Variants in FGD4 observed in about 807,000 individuals in gnomAD.
FGD4 encodes the protein FYVE, RhoGEF and PH domain-containing protein 4.
In FGD4, 42 loss-of-function variants were observed where a neutral mutation model predicts 102.0. That is an observed-to-expected ratio of 0.41 (90% CI 0.32 to 0.53). FGD4 has a LOEUF of 0.53. FGD4 is among the 20% of genes least tolerant of loss of function. The pLI, the probability that FGD4 is intolerant of heterozygous loss-of-function variation, is 0.21. For missense variants in FGD4, 902 were observed against 1,078.2 expected (o/e 0.84, Z 2.29); for synonymous variants, 380 against 375.7 (o/e 1.01, Z -0.13).
intron 14 of FGD4, among the ~76,000 whole-genome samples, chr12:32,632,927 T>C (rs1950578689): frequency 6.6e-6 from 1 of 151,376 alleles, no homozygotes; most frequent in African/African-American, 2.4e-5. Flanking sequence ...TTGGAGGAGG[T>C]TTAAGAGTGG....
intron 1 of FGD4, among the ~76,000 whole-genome samples, chr12:32,438,042 C>T (rs1002390559): frequency 6.6e-6 from 1 of 152,150 alleles, no homozygotes; most frequent in African/African-American, 2.4e-5. Context: ...CAGGCATACG[C>T]CATCATGTCC....
chr12:32,612,407 G>A (rs566862174), intron 10 of FGD4, among the ~76,000 whole-genome samples: 3 of 152,184 alleles, frequency 2.0e-5, no homozygotes, highest in Admixed American at 6.5e-5. Flanking sequence ...CTGCCAGGCC[G>A]AATGGGCAGA....
chr12:32,645,039 A>G lies in FGD4; in HGVS notation c.*4506A>G, dbSNP rs899170715. On this transcript the variant is annotated 3_prime_UTR_variant, in exon 17 of 17. Transcript: ENST00000534526. ...ACTTGTTGGGGTCACCGGGAGTTAT[A>G]TGATGGTCAACCCCTTTTCCCAAAA... 10 of 152,114 alleles carry G rather than the reference A, an allele frequency of 6.6e-5. No homozygotes were observed. Among genetic ancestry groups the G allele is most frequent in the African/African-American group, 2.4e-4 (10 of 41,448 alleles). The allele number at this position is 152,114 out of a possible 1,614,324, so 9.4% of individuals were successfully genotyped here.
At chr12:32,501,400 G>T (rs1938206130) in intron 1 of FGD4, among the ~76,000 whole-genome samples, 1 of 152,164 alleles carries the variant, frequency 6.6e-6, no homozygotes, top group African/African-American at 2.4e-5. Flanking sequence ...CTTAACCTCT[G>T]ATTCCTTCAT....
chr12:32,595,367 T>A (rs1592340031), intron 4 of FGD4, among the ~76,000 whole-genome samples: 1 of 152,208 alleles, frequency 6.6e-6, no homozygotes, highest in Non-Finnish European at 1.5e-5. Context: ...AAGCCCGGCC[T>A]AAACAATAAT....
chr12:32,497,736 T>G (rs1565777850), intron 1 of FGD4, among the ~76,000 whole-genome samples: 1 of 152,218 alleles, frequency 6.6e-6, no homozygotes, highest in Non-Finnish European at 1.5e-5. Context: ...CTAAATTGTG[T>G]GCCGTTGTGC....
At chr12:32,418,394 G>A (rs531484997) in intron 1 of FGD4, among the ~76,000 whole-genome samples, 1 of 152,132 alleles carries the variant, frequency 6.6e-6, no homozygotes, top group African/African-American at 2.4e-5. Flanking sequence ...CATCCTTCTT[G>A]GAAAGGCTTT....
intron 1 of FGD4, among the ~76,000 whole-genome samples, chr12:32,505,663 A>G (rs1483747451): frequency 6.6e-6 from 1 of 152,222 alleles, no homozygotes; most frequent in East Asian, 1.9e-4. Context: ...ATGGAGTTAC[A>G]TGAGGGCGCC....
intron 1 of FGD4, among the ~76,000 whole-genome samples, chr12:32,410,005 TCA>T (rs1565723487): frequency 7.3e-5 from 6 of 81,866 alleles, no homozygotes; most frequent in African/African-American, 2.9e-4. Flanking sequence ...GTCTTGTCTC[TCA>T]AAAAAAAAAA....
intron 1 of FGD4, among the ~76,000 whole-genome samples, chr12:32,420,918 G>T (rs1186026584): frequency 6.6e-6 from 1 of 152,068 alleles, no homozygotes; most frequent in Non-Finnish European, 1.5e-5. Flanking sequence ...AAGAGACAGG[G>T]TCTCCACTCT....
intron 1 of FGD4, among the ~76,000 whole-genome samples, chr12:32,555,975 C>T (rs1944078848): frequency 6.6e-6 from 1 of 152,030 alleles, no homozygotes; most frequent in Admixed American, 6.6e-5. Context: ...GTAGCTAAGA[C>T]TATAGGTGTG....
At chr12:32,504,964 G>T (rs536368002) in intron 1 of FGD4, among the ~76,000 whole-genome samples, 2 of 152,238 alleles carry the variant, frequency 1.3e-5, no homozygotes, top group South Asian at 4.1e-4. Flanking sequence ...CATTCATTCT[G>T]CCTAGCCTAA....
At chr12:32,620,824 A>G (rs758309859) in intron 11 of FGD4, among the ~76,000 whole-genome samples, 42 of 148,296 alleles carry the variant, frequency 2.8e-4, no homozygotes, top group Non-Finnish European at 4.3e-4. Flanking sequence ...CAGCCTCCCG[A>G]GCTAATTTTT....
intron 4 of FGD4, 70 bp from the exon 5 acceptor site, chr12:32,598,427 A>G (rs140896639): frequency 9.8e-5 from 103 of 1,050,488 alleles, no homozygotes; most frequent in Non-Finnish European, 1.4e-4. Context: ...CATTTGAAGA[A>G]GCGTTTTTTA....
intron 1 of FGD4, among the ~76,000 whole-genome samples, chr12:32,434,927 A>G (rs567059466): frequency 6.6e-6 from 1 of 151,042 alleles, no homozygotes; most frequent in African/African-American, 2.4e-5. Context: ...GCTTCGCTTC[A>G]TTTCTTTTCT....
intron 1 of FGD4, among the ~76,000 whole-genome samples, chr12:32,469,662 CTT>C (rs989553462): frequency 1.1e-4 from 16 of 149,378 alleles, no homozygotes; most frequent in African/African-American, 3.9e-4. Flanking sequence ...TCTTTTTCTT[CTT>C]TGTTTTTTTT....
intron 1 of FGD4, among the ~76,000 whole-genome samples, chr12:32,494,080 A>G (rs552505538): frequency 2.0e-5 from 3 of 152,158 alleles, no homozygotes; most frequent in Non-Finnish European, 4.4e-5. Flanking sequence ...TGATCTAGCT[A>G]TGTTGCCCAG....
intron 1 of FGD4, among the ~76,000 whole-genome samples, chr12:32,408,743 A>G (rs1254265260): frequency 3.9e-5 from 6 of 152,218 alleles, no homozygotes; most frequent in African/African-American, 9.6e-5. Context: ...AAGGTCAGCA[A>G]TGAATTCCCA....
chr12:32,467,639 G>A (rs781277433), intron 1 of FGD4, among the ~76,000 whole-genome samples: 2 of 152,130 alleles, frequency 1.3e-5, no homozygotes, highest in Non-Finnish European at 2.9e-5. Flanking sequence ...TTATACATAG[G>A]TGCTTAATAT....
Sources: gnomAD v4.1 joint callset for allele counts (sites outside exome capture counted in the v4.1 genomes callset) on GRCh38, gnomAD v4.1.1 for gene constraint, MANE v1.5 for transcripts, NCBI Gene and HGNC (gene_info 2026-07-23, HGNC 2026-07-21) for gene names.